KIAA0825: variants seen among roughly 807,000 people sequenced by gnomAD.
KIAA0825 encodes the protein KIAA0825.
KIAA0825 carries 119 observed loss-of-function variants against 147.6 expected under a neutral mutation model. The ratio of observed to expected loss-of-function variants is 0.81; its 90% confidence interval spans 0.69 to 0.94. KIAA0825 has a LOEUF of 0.94. Ranked by LOEUF, KIAA0825 falls within the 40% of genes least tolerant of loss-of-function variation. The pLI is 0.00. For missense variants in KIAA0825, 1,381 were observed against 1,472.7 expected (o/e 0.94, Z 1.02); for synonymous variants, 470 against 518.1 (o/e 0.91, Z 1.26).
At chr5:94,366,958 TA>T (rs1391346546) in intron 20 of KIAA0825, among the ~76,000 whole-genome samples, 1 of 152,160 alleles carries the variant, frequency 6.6e-6, no homozygotes, top group African/African-American at 2.4e-5. Context: ...TAGAACTTTA[TA>T]AAAGAGGTAA....
intron 20 of KIAA0825, among the ~76,000 whole-genome samples, chr5:94,294,669 T>C (rs770979729): frequency 4.6e-5 from 7 of 152,186 alleles, no homozygotes; most frequent in Non-Finnish European, 8.8e-5. Flanking sequence ...GAGGTTGCAG[T>C]GAGCTGAGAA....
intron 14 of KIAA0825, among the ~76,000 whole-genome samples, chr5:94,427,144 A>G (rs763203386): frequency 5.3e-5 from 8 of 152,206 alleles, no homozygotes; most frequent in Non-Finnish European, 1.2e-4. Flanking sequence ...GACATTTTCC[A>G]TCTACTCTGA....
chr5:94,334,679 TCA>T (rs1327775146), intron 20 of KIAA0825, among the ~76,000 whole-genome samples: 1 of 152,158 alleles, frequency 6.6e-6, no homozygotes, highest in Admixed American at 6.5e-5. Context: ...AGACAGGGTT[TCA>T]CCATGTTGGC....
chr5:94,471,660 A>T lies in KIAA0825; in HGVS notation c.1527T>A (p.Phe509Leu), dbSNP rs1761225775. 6.4e-7 allele frequency: 1 copy of T among 1,552,240 alleles called. No individual in the cohort carries two copies. The highest frequency in any genetic ancestry group is 2.0e-5 in the Admixed American group (1 of 51,004). The change falls in exon 9 of 21, where the codon TTT becomes TTA. Residue 509 changes from phenylalanine to leucine, a missense_variant. By Grantham distance (22) the Phe-to-Leu change is conservative. Coordinates refer to ENST00000682413, the MANE Select transcript of KIAA0825 (RefSeq NM_001145678.3). The part of the protein sequence containing the change: ...PLALACRDDS[F>L]QEIRANLVEA... ...CCACCAAGTTTGCTCTAATTTCCTG[A>T]AAAGAATCATCTCTGCATGCCAGAG...
intron 20 of KIAA0825, among the ~76,000 whole-genome samples, chr5:94,274,512 G>A (rs188593681): frequency 8.5e-5 from 13 of 152,100 alleles, no homozygotes; most frequent in African/African-American, 3.1e-4. Flanking sequence ...TAGATAAGAG[G>A]AAATGTACCT....
chr5:94,383,454 A>T (rs1369537198), intron 20 of KIAA0825, among the ~76,000 whole-genome samples: 1 of 152,218 alleles, frequency 6.6e-6, no homozygotes, highest in Non-Finnish European at 1.5e-5. Flanking sequence ...TCTTTCAAAA[A>T]AAAGATACTC....
chr5:94,463,043 G>C (rs1008024418), intron 11 of KIAA0825, among the ~76,000 whole-genome samples: 5 of 151,776 alleles, frequency 3.3e-5, no homozygotes, highest in African/African-American at 1.2e-4. Context: ...CCAGCAAGTG[G>C]GAGATAAGAA....
intron 5 of KIAA0825, among the ~76,000 whole-genome samples, chr5:94,503,498 G>T (rs1278086099): frequency 6.6e-6 from 1 of 152,066 alleles, no homozygotes; most frequent in Non-Finnish European, 1.5e-5. Flanking sequence ...CATGAACACA[G>T]AACTTGGCTG....
chr5:94,574,704 AT>A (rs966071786), intron 2 of KIAA0825, among the ~76,000 whole-genome samples: 29 of 151,738 alleles, frequency 1.9e-4, no homozygotes, highest in African/African-American at 6.5e-4. Context: ...TTATGTCTTC[AT>A]TTTTTTTAAA....
In KIAA0825 at chr5:94,537,145, A is replaced by G; in HGVS notation, c.-1-18T>C. The G allele has an allele frequency of 6.3e-7, 1 of 1,589,114 alleles. No individual in the cohort carries two copies. The highest frequency in any genetic ancestry group is 8.6e-7 in the Non-Finnish European group (1 of 1,167,486). ...AATCCATTCTGAGGAGCAAGAATAA[A>G]TAATAAAACATGTCAGTTCCCCCAC... On this transcript the variant is annotated intron_variant, in intron 2 of 20. Coordinates refer to ENST00000682413, the MANE Select transcript of KIAA0825 (RefSeq NM_001145678.3).
chr5:94,483,560 C>A (rs1162613327), intron 6 of KIAA0825, among the ~76,000 whole-genome samples: 2 of 151,584 alleles, frequency 1.3e-5, no homozygotes, highest in African/African-American at 4.8e-5. Context: ...CTAATTAAAT[C>A]TTTGGCTTTT....
intron 20 of KIAA0825, among the ~76,000 whole-genome samples, chr5:94,270,221 C>G (rs890318287): frequency 2.0e-5 from 3 of 152,032 alleles, no homozygotes; most frequent in Non-Finnish European, 4.4e-5. Context: ...GTAACCAAAA[C>G]AGTATGGTAT....
chr5:94,509,455 T>A (rs1766181187), intron 5 of KIAA0825, among the ~76,000 whole-genome samples: 1 of 152,186 alleles, frequency 6.6e-6, no homozygotes, highest in African/African-American at 2.4e-5. Flanking sequence ...ATAGGTTTCA[T>A]AAAAAATAGA....
chr5:94,169,114 CCT>C (rs1768345608), intron 20 of KIAA0825, among the ~76,000 whole-genome samples: 1 of 152,168 alleles, frequency 6.6e-6, no homozygotes, highest in African/African-American at 2.4e-5. Flanking sequence ...CATGCACTAA[CCT>C]CTTCTGGAAA....
Position 94,471,623 on chromosome 5 carries a change from T to C in KIAA0825, c.1564A>G (p.Lys522Glu). Residue 522 changes from lysine (K) to glutamate (E), a missense_variant, in exon 9 of 21, where the codon AAA becomes GAA. Transcript: ENST00000682413. ...IRANLVEACC[K>E]VATAVLQRLQ... ...CTCTGCAGGACAGCTGTTGCCACTT[T>C]ACAACAGGCCTCCACCAAGTTTGCT... 1 of 1,552,022 alleles carries C rather than the reference T, an allele frequency of 6.4e-7. No homozygotes were observed. Among genetic ancestry groups the C allele is most frequent in the Non-Finnish European group, 8.7e-7 (1 of 1,147,040 alleles).
intron 7 of KIAA0825, among the ~76,000 whole-genome samples, chr5:94,475,291 A>G (rs1012035900): frequency 2.0e-5 from 3 of 152,164 alleles, no homozygotes; most frequent in Non-Finnish European, 4.4e-5. Context: ...TTTCCCTATC[A>G]GGGCATGTCT....
intron 20 of KIAA0825, among the ~76,000 whole-genome samples, chr5:94,160,354 T>A (rs1478848361): frequency 6.6e-6 from 1 of 151,120 alleles, no homozygotes; most frequent in Non-Finnish European, 1.5e-5. Context: ...TATATCAATA[T>A]TAAATATATA....
rs1753594112 is a variant in KIAA0825, at chr5:94,417,290, T to C, written c.2573A>G (p.His858Arg). 1 of 1,550,902 alleles carries C rather than the reference T, an allele frequency of 6.4e-7. No homozygotes were observed. The highest frequency in any genetic ancestry group is 8.7e-7 in the Non-Finnish European group (1 of 1,146,442). ...LMEAIFKILYHCSFSPQTFAN... is the reference protein window; with the variant it reads ...LMEAIFKILYRCSFSPQTFAN... ...AAATGTTTGTGGAGAAAAACTGCAA[T>C]GGTACAATATTTTAAAGATGGCTTC... Residue 858 changes from histidine (H) to arginine (R), a missense_variant, in exon 15 of 21, where the codon CAT (histidine) becomes CGT (arginine). By Grantham distance (29) the His-to-Arg change is conservative. Transcript: ENST00000682413.
intron 20 of KIAA0825, among the ~76,000 whole-genome samples, chr5:94,195,269 A>G (rs1771028124): frequency 6.6e-6 from 1 of 152,252 alleles, no homozygotes; most frequent in Non-Finnish European, 1.5e-5. Flanking sequence ...ACATAAGTGT[A>G]GCATCAATGA....
Sources: gnomAD v4.1 joint callset for allele counts (sites outside exome capture counted in the v4.1 genomes callset) on GRCh38, gnomAD v4.1.1 for gene constraint, MANE v1.5 for transcripts, NCBI Gene and HGNC (gene_info 2026-07-23, HGNC 2026-07-21) for gene names.